The following COL4A3 variants were observed in gnomAD, a reference collection of about 807,000 sequenced individuals.
COL4A3 encodes the protein collagen alpha-3(IV) chain.
In COL4A3, 135 loss-of-function variants were observed where a neutral mutation model predicts 217.4. The ratio of observed to expected loss-of-function variants is 0.62; its 90% CI spans 0.54 to 0.72. The LOEUF (loss-of-function observed/expected upper bound fraction) is 0.72, where lower values mean the gene tolerates loss of function less well. Among genes scored for constraint, COL4A3 ranks in the 30% least tolerant of loss-of-function variants. COL4A3 has a pLI of 0.00. For synonymous variants in COL4A3, 690 were observed against 736.3 expected, an observed-to-expected ratio of 0.94 and a Z score of 1.02; for missense variants, 1,868 against 2,119.9, an observed-to-expected ratio of 0.88 and a Z score of 2.33.
chr2:227,260,155 C>A, intron 19 of COL4A3: 1 of 586,896 alleles, frequency 1.7e-6, no homozygotes, highest in East Asian at 3.6e-5. Context: ...GGAGGGAGTG[C>A]AAGGCATTGG....
intron 1 of COL4A3, among the ~76,000 whole-genome samples, chr2:227,183,790 CAAAAGA>C (rs2065930775): frequency 6.6e-6 from 1 of 152,160 alleles, no homozygotes; most frequent in African/African-American, 2.4e-5. Flanking sequence ...GTCCCTTAGT[CAAAAGA>C]TTGGGCACAG....
intron 1 of COL4A3, among the ~76,000 whole-genome samples, chr2:227,225,538 C>T (rs1334631288): frequency 6.6e-6 from 1 of 152,070 alleles, no homozygotes; most frequent in African/African-American, 2.4e-5. Context: ...AAAGAGTGAC[C>T]AACAAGAGAG....
intron 1 of COL4A3, 159 bp from the exon 2 acceptor site, chr2:227,237,809 T>G: frequency 1.5e-6 from 1 of 651,584 alleles, no homozygotes; most frequent in Non-Finnish European, 2.9e-6. Context: ...TATTCATATA[T>G]TGATATATTT....
chr2:227,213,254 G>T (rs1434564835), intron 1 of COL4A3, among the ~76,000 whole-genome samples: 1 of 151,836 alleles, frequency 6.6e-6, no homozygotes, highest in Admixed American at 6.6e-5. Flanking sequence ...ATCCAGAGAG[G>T]GTACTTAACC....
At chr2:227,292,539 A>G (rs2072805148) in intron 37 of COL4A3, among the ~76,000 whole-genome samples, 2 of 152,238 alleles carry the variant, frequency 1.3e-5, no homozygotes, top group Non-Finnish European at 2.9e-5. Flanking sequence ...ACAGAGTAGT[A>G]TATTTTAATT....
At chr2:227,173,777 GA>G (rs1215873188) in intron 1 of COL4A3, among the ~76,000 whole-genome samples, 2 of 152,018 alleles carry the variant, frequency 1.3e-5, no homozygotes, top group Non-Finnish European at 2.9e-5. Context: ...AATCACTATT[GA>G]AAACATTAAT....
intron 1 of COL4A3, among the ~76,000 whole-genome samples, chr2:227,181,720 G>A (rs1462718912): frequency 1.3e-5 from 2 of 152,062 alleles, no homozygotes; most frequent in African/African-American, 4.8e-5. Context: ...AAAAATGAAT[G>A]CATAATATTT....
chr2:227,273,241 A>C, intron 26 of COL4A3, 124 bp downstream of exon 26: 58 of 1,030,130 alleles, frequency 5.6e-5, no homozygotes, highest in Non-Finnish European at 8.1e-5. Context: ...AGAATATGTC[A>C]ACTCACAGAT....
intron 34 of COL4A3, among the ~76,000 whole-genome samples, chr2:227,287,975 G>GCCT (rs1264426149): frequency 6.6e-6 from 1 of 152,230 alleles, no homozygotes; most frequent in African/African-American, 2.4e-5. Flanking sequence ...CAGGAAAAGA[G>GCCT]CCAAGGGAAG....
At chr2:227,220,522 G>C (rs1202311394) in intron 1 of COL4A3, among the ~76,000 whole-genome samples, 2 of 152,032 alleles carry the variant, frequency 1.3e-5, no homozygotes, top group African/African-American at 4.8e-5. Context: ...CTGGAGTGCA[G>C]TGGTGGAGCC....
intron 1 of COL4A3, among the ~76,000 whole-genome samples, chr2:227,172,164 G>T (rs572034956): frequency 1.3e-5 from 2 of 152,190 alleles, no homozygotes; most frequent in Non-Finnish European, 2.9e-5. Context: ...AGATCTTATC[G>T]GGAAGATGCT....
chr2:227,307,161 T>TG (rs1298546077), intron 47 of COL4A3, among the ~76,000 whole-genome samples: 2 of 151,658 alleles, frequency 1.3e-5, no homozygotes, highest in African/African-American at 4.8e-5. Flanking sequence ...CTTATTACAG[T>TG]GAAAAAAAAA....
At chr2:227,308,856 C>CT (rs1159266289) in intron 48 of COL4A3, 43 bp from the exon 49 acceptor site, 2 of 1,599,608 alleles carry the variant, frequency 1.3e-6, no homozygotes, top group Non-Finnish European at 1.7e-6. Flanking sequence ...CTGAAAATAA[C>CT]TTTAACTTAC....
chr2:227,175,853 A>T (rs956333228), intron 1 of COL4A3, among the ~76,000 whole-genome samples: 1 of 152,246 alleles, frequency 6.6e-6, no homozygotes, highest in Non-Finnish European at 1.5e-5. Context: ...TAATGAAATG[A>T]CAGTGTGGTT....
At position 227,309,235 on chromosome 2, in the gene COL4A3, A is replaced by G. The variant is rs2073643482; in HGVS notation, c.4672A>G (p.Ile1558Val). The G allele has an allele frequency of 1.9e-6, 3 of 1,614,200 alleles. No individual in the cohort carries two copies. Among genetic ancestry groups the G allele is most frequent in the Middle Eastern group, 1.6e-4 (1 of 6,062 alleles). Residue 1558 changes from isoleucine to valine, a missense_variant, in exon 50 of 52, where the codon ATA becomes GTA. Around this residue, in one of 2 missense-constraint regions of COL4A3, gnomAD observed 1,503 missense variants for 1,786.1 expected, o/e 0.84. Coordinates refer to ENST00000396578, the MANE Select transcript of COL4A3 (RefSeq NM_000091.5). ...TGTTTGTGAAGGTCCTGCGATCGCC[A>G]TAGCCGTTCACAGCCAAACCACTGA... ...CTVCEGPAIA[I>V]AVHSQTTDIP...
At chr2:227,214,510 T>C (rs2067452770) in intron 1 of COL4A3, among the ~76,000 whole-genome samples, 1 of 152,240 alleles carries the variant, frequency 6.6e-6, no homozygotes, top group Non-Finnish European at 1.5e-5. Context: ...ATCATAACCT[T>C]TTCTATATTT....
intron 25 of COL4A3, 105 bp downstream of exon 25, chr2:227,271,057 C>T: frequency 1.0e-6 from 1 of 974,620 alleles, no homozygotes; most frequent in South Asian, 1.4e-5. Flanking sequence ...CACAGTTCAT[C>T]ACTCTAACTG....
chr2:227,196,616 C>A (rs552562106), intron 1 of COL4A3, among the ~76,000 whole-genome samples: 1 of 152,046 alleles, frequency 6.6e-6, no homozygotes, highest in South Asian at 2.1e-4. Flanking sequence ...TGCGCCTGGC[C>A]GTTTTTATCT....
intron 1 of COL4A3, among the ~76,000 whole-genome samples, chr2:227,193,151 C>G (rs981240773): frequency 6.6e-6 from 1 of 152,176 alleles, no homozygotes; most frequent in Non-Finnish European, 1.5e-5. Flanking sequence ...AAGGATACAT[C>G]TTCATTCCCA....
Sources: gnomAD v4.1 joint callset for allele counts (sites outside exome capture counted in the v4.1 genomes callset) on GRCh38, gnomAD v4.1.1 for gene constraint, gnomAD v4.1.1 regional missense constraint, MANE v1.5 for transcripts, NCBI Gene and HGNC (gene_info 2026-07-23, HGNC 2026-07-21) for gene names.